PIWIL2: variants seen among roughly 807,000 people sequenced by gnomAD.
PIWIL2 encodes the protein piwi like RNA-mediated gene silencing 2, also known as piwi-like protein 2.
PIWIL2 carries 81 observed loss-of-function variants against 116.5 expected under a neutral mutation model. The observed-to-expected ratio is 0.70, with a 90% CI of 0.58 to 0.84. The LOEUF (loss-of-function observed/expected upper bound fraction) is 0.84. PIWIL2 is among the 40% of genes least tolerant of loss of function. The probability of loss-of-function intolerance (pLI) is 0.00; values close to 1 mark genes in which losing one functional copy is unlikely to be tolerated. For missense variants in PIWIL2, 1,272 were observed against 1,212.3 expected (o/e 1.05, Z -0.73); for synonymous variants, 489 against 429.5 (o/e 1.14, Z -1.71).
chr8:22,327,148 G>A (rs559378683), intron 20 of PIWIL2, among the ~76,000 whole-genome samples: 127 of 148,134 alleles, frequency 8.6e-4, no homozygotes, highest in Non-Finnish European at 1.5e-3. Flanking sequence ...CTGTCTCAGC[G>A]TCCTGAGTAG....
intron 20 of PIWIL2, among the ~76,000 whole-genome samples, chr8:22,318,884 A>T (rs1831530768): frequency 6.6e-6 from 1 of 152,210 alleles, no homozygotes; most frequent in African/African-American, 2.4e-5. Flanking sequence ...GAAGTTGGGG[A>T]TAAGTTTCAG....
chr8:22,353,929 C>A (rs911746553), intron 21 of PIWIL2, among the ~76,000 whole-genome samples: 4 of 151,940 alleles, frequency 2.6e-5, no homozygotes, highest in Non-Finnish European at 5.9e-5. Context: ...GCGTATGCCA[C>A]CATGCCCAAC....
At chr8:22,276,208 A>G (rs1649450425) in intron 1 of PIWIL2, among the ~76,000 whole-genome samples, 3 of 152,282 alleles carry the variant, frequency 2.0e-5, no homozygotes, top group African/African-American at 7.2e-5. Flanking sequence ...AAATTTTGCA[A>G]GTTCCTGAAC....
intron 13 of PIWIL2, among the ~76,000 whole-genome samples, chr8:22,306,889 G>A (rs183081465): frequency 7.2e-5 from 11 of 152,256 alleles, no homozygotes; most frequent in African/African-American, 2.6e-4. Flanking sequence ...GACTACCTCA[G>A]AGGGAATAAC....
intron 20 of PIWIL2, among the ~76,000 whole-genome samples, chr8:22,345,448 G>A (rs575412241): frequency 1.3e-5 from 2 of 151,678 alleles, no homozygotes; most frequent in Non-Finnish European, 3.0e-5. Context: ...ATCACTTGAG[G>A]CCAGGGATTT....
rs1225135513 is a variant in PIWIL2, at chr8:22,298,559, AAG to A, written c.1182-5459_1182-5458del. Among the ~76,000 whole-genome samples the A allele has an allele frequency of 5.3e-5, 8 of 152,342 alleles. No homozygotes were observed. The East Asian group carries it at 1.3e-3, about 26-fold the overall frequency. On this transcript the variant is annotated intron_variant, in intron 10 of 22. Transcript: ENST00000356766. ...CACTTGACAGCAGATCTGAAGAACA[AAG>A]AGTTAAACACAAGGGCCCAGTGAGT...
chr8:22,330,307 G>A, intron 20 of PIWIL2, among the ~76,000 whole-genome samples: 1 of 152,098 alleles, frequency 6.6e-6, no homozygotes, highest in East Asian at 1.9e-4. Context: ...TGTAATTTCT[G>A]TGCCTTTATT....
At chr8:22,295,526 G>T (rs1408982035) in intron 10 of PIWIL2, among the ~76,000 whole-genome samples, 1 of 152,074 alleles carries the variant, frequency 6.6e-6, no homozygotes, top group Non-Finnish European at 1.5e-5. Context: ...TCTTCTCCAA[G>T]ATAGTGAGAA....
intron 14 of PIWIL2, among the ~76,000 whole-genome samples, chr8:22,308,343 GTA>G (rs1462104459): frequency 1.3e-5 from 2 of 151,914 alleles, no homozygotes; most frequent in Non-Finnish European, 2.9e-5. Flanking sequence ...ATTGAATTTA[GTA>G]TTTTTCTATT....
intron 10 of PIWIL2, among the ~76,000 whole-genome samples, chr8:22,303,813 A>T (rs1831109666): frequency 6.6e-6 from 1 of 152,110 alleles, no homozygotes; most frequent in Admixed American, 6.6e-5. Flanking sequence ...TTCTGGGTTC[A>T]AGCAGTCCTC....
intron 10 of PIWIL2, among the ~76,000 whole-genome samples, chr8:22,303,706 C>G (rs1831106706): frequency 6.6e-6 from 1 of 152,092 alleles, no homozygotes. Context: ...CCTATATTCT[C>G]TTATTTCCTG....
At chr8:22,294,208 C>T (rs974978000) in intron 10 of PIWIL2, among the ~76,000 whole-genome samples, 13 of 151,208 alleles carry the variant, frequency 8.6e-5, no homozygotes, top group African/African-American at 2.7e-4. Context: ...CGTGGTGGCA[C>T]ACGCCTGTAA....
intron 20 of PIWIL2, among the ~76,000 whole-genome samples, chr8:22,349,197 G>A (rs1416434816): frequency 1.3e-5 from 2 of 150,924 alleles, no homozygotes; most frequent in Non-Finnish European, 3.0e-5. Context: ...AGTAGAGACG[G>A]GGTTTCACCA....
Position 22,310,045 on chromosome 8 carries a change from G to A in PIWIL2, c.1771G>A (p.Glu591Lys), listed in dbSNP as rs749552524. The change falls in exon 15 of 23, where the codon GAA (glutamate) becomes AAA (lysine). Residue 591 changes from glutamate (E) to lysine (K), a missense_variant. Transcript: ENST00000356766. Reference protein sequence around the residue: ...ITSQELNWVKEVTRDPSILTI... With the variant: ...ITSQELNWVKKVTRDPSILTI... ...ATCTCAGGAACTAAACTGGGTTAAG[G>A]AAGTAACCAGAGACCCTTCCATCTT... 1.1e-5 allele frequency: 18 copies of A among 1,601,522 alleles called. No individual in the cohort carries two copies. In the East Asian group the frequency reaches 4.0e-4, roughly 36 times the overall value.
At chr8:22,352,473 G>C (rs564574555) in intron 20 of PIWIL2, among the ~76,000 whole-genome samples, 2 of 152,278 alleles carry the variant, frequency 1.3e-5, no homozygotes, top group Admixed American at 1.3e-4. Flanking sequence ...TTTAGTAAAG[G>C]GACGTTTCAC....
At chr8:22,352,862 C>T (rs760992004) in intron 20 of PIWIL2, 97 bp from the exon 21 acceptor site, 61 of 1,251,364 alleles carry the variant, frequency 4.9e-5, no homozygotes, top group Non-Finnish European at 6.5e-5. Flanking sequence ...AAGGATCTGC[C>T]ATGATTCCAG....
chr8:22,319,236 CTT>C (rs780441838), intron 20 of PIWIL2, among the ~76,000 whole-genome samples: 1 of 152,190 alleles, frequency 6.6e-6, no homozygotes, highest in African/African-American at 2.4e-5. Flanking sequence ...CACCTTGTCT[CTT>C]TATAGAATAA....
At position 22,311,267 on chromosome 8, in the gene PIWIL2, T is replaced by A; in HGVS notation, c.1956T>A (p.Tyr652Ter). 6.2e-7 allele frequency: 1 copy of A among 1,613,556 alleles called. No individual in the cohort carries two copies. Among genetic ancestry groups the A allele is most frequent in the Non-Finnish European group, 8.5e-7 (1 of 1,179,850 alleles). Reference sequence around the variant, plus strand: ...TAAAGGATGACCGAATAGAGACTTATGTCAGAACCATTCAATCCACGTTAG... The same window carrying A: ...TAAAGGATGACCGAATAGAGACTTAAGTCAGAACCATTCAATCCACGTTAG... ...VELKDDRIET[Y>*]VRTIQSTLGA... The change falls in exon 16 of 23, where the codon TAT becomes TAA. Residue 652 changes from tyrosine (Y) to a stop codon, truncating the protein, a stop_gained. Transcript: ENST00000356766. LOFTEE classifies it high-confidence loss of function.
At chr8:22,349,795 A>G (rs1303959958) in intron 20 of PIWIL2, among the ~76,000 whole-genome samples, 2 of 152,192 alleles carry the variant, frequency 1.3e-5, no homozygotes, top group Non-Finnish European at 1.5e-5. Context: ...AGGCTGGTAA[A>G]TGGGCATGAT....
Sources: allele counts gnomAD v4.1 joint callset (sites outside exome capture counted in the v4.1 genomes callset), GRCh38; gene constraint gnomAD v4.1.1; transcripts MANE v1.5; gene names NCBI Gene and HGNC (gene_info 2026-07-23, HGNC 2026-07-21).